Variants in POLR3B observed in about 807,000 individuals in gnomAD.
POLR3B encodes the protein RNA polymerase III subunit B.
In POLR3B, 96 loss-of-function variants were observed where a neutral mutation model predicts 147.4. That is an observed-to-expected ratio of 0.65 (90% confidence interval 0.55 to 0.77). The LOEUF (loss-of-function observed/expected upper bound fraction) is 0.77. POLR3B is among the 30% of genes least tolerant of loss of function. The pLI is 0.00. For missense variants in POLR3B, 1,036 were observed against 1,413.5 expected, an observed-to-expected ratio of 0.73 and a Z score of 4.28; for synonymous variants, 461 against 485.9, an observed-to-expected ratio of 0.95 and a Z score of 0.67.
At chr12:106,471,789 T>C (rs1255598015) in intron 23 of POLR3B, among the ~76,000 whole-genome samples, 1 of 152,162 alleles carries the variant, frequency 6.6e-6, no homozygotes, top group Admixed American at 6.5e-5. Context: ...TTCTCTACTG[T>C]TGATGGATTG....
At chr12:106,380,307 G>A (rs753823085) in intron 9 of POLR3B, among the ~76,000 whole-genome samples, 168 bp downstream of exon 9, 3 of 151,430 alleles carry the variant, frequency 2.0e-5, no homozygotes, top group African/African-American at 7.3e-5. Context: ...GGCGTGGTGG[G>A]TCATGCCTGA....
chr12:106,464,191 C>T (rs901911120), intron 23 of POLR3B, among the ~76,000 whole-genome samples: 2 of 152,166 alleles, frequency 1.3e-5, no homozygotes, highest in Non-Finnish European at 2.9e-5. Context: ...ATTGGCAAGC[C>T]TCACTCATTC....
In POLR3B at chr12:106,357,956, G is replaced by A. The variant is rs2036409865; in HGVS notation, c.72+5G>A. The stretch of plus-strand genomic sequence containing the variant: ...GCGCCGATCCCGACTGTAGAGGTCA[G>A]TGCCAGGCACGCAGGGAGCGTCAGG... On this transcript the variant is annotated splice_donor_5th_base_variant and intron_variant, in intron 1 of 27. Transcript: ENST00000228347. 1 of 1,612,474 alleles carries A rather than the reference G, an allele frequency of 6.2e-7. No individual in the cohort carries two copies. The highest frequency in any genetic ancestry group is 8.5e-7 in the Non-Finnish European group (1 of 1,179,918).
intron 25 of POLR3B, among the ~76,000 whole-genome samples, chr12:106,498,922 G>A (rs963775779): frequency 6.6e-6 from 1 of 152,198 alleles, no homozygotes; most frequent in African/African-American, 2.4e-5. Flanking sequence ...AACTCAGCAT[G>A]GAAGCAAATG....
chr12:106,487,391 T>C (rs2038354482), intron 23 of POLR3B, among the ~76,000 whole-genome samples: 1 of 152,234 alleles, frequency 6.6e-6, no homozygotes, highest in African/African-American at 2.4e-5. Context: ...TAGTATCTCC[T>C]GCAAGTTGAC....
chr12:106,449,205 A>C (rs966001429), intron 19 of POLR3B, among the ~76,000 whole-genome samples: 4 of 152,180 alleles, frequency 2.6e-5, no homozygotes, highest in Non-Finnish European at 5.9e-5. Context: ...TTTATACGAT[A>C]TTTTTAATAA....
intron 12 of POLR3B, among the ~76,000 whole-genome samples, chr12:106,424,247 T>C (rs1045824367): frequency 2.0e-5 from 3 of 152,080 alleles, no homozygotes; most frequent in African/African-American, 7.2e-5. Flanking sequence ...GGTATTCCGG[T>C]TTTGGTTTGG....
At position 106,492,157 on chromosome 12, in the gene POLR3B, T is replaced by C. The variant is rs147964750; in HGVS notation, c.2714-3898T>C. Among the ~76,000 whole-genome samples, 878 of 152,320 alleles carry C rather than the reference T, an allele frequency of 5.8e-3. 8 individuals are homozygous for C. Among genetic ancestry groups the C allele is most frequent in the African/African-American group, 0.02 (823 of 41,562 alleles). ...TTTTCTTACCATTTTTTTCTTCTTT[T>C]CTTACCTTTTTTTTTCCTGCTTAAG... On this transcript the variant is annotated intron_variant, in intron 23 of 27. Transcript: ENST00000228347.
intron 13 of POLR3B, among the ~76,000 whole-genome samples, chr12:106,428,822 A>T (rs553689952): frequency 7.5e-4 from 114 of 152,324 alleles, no homozygotes; most frequent in Middle Eastern, 3.4e-3. Flanking sequence ...GCTCTTTCCC[A>T]CGTTTCAGAA....
chr12:106,483,900 C>A (rs556455213), intron 23 of POLR3B, among the ~76,000 whole-genome samples: 1 of 152,170 alleles, frequency 6.6e-6, no homozygotes, highest in African/African-American at 2.4e-5. Context: ...CTCGGATTGA[C>A]GAAAAGTATA....
intron 22 of POLR3B, among the ~76,000 whole-genome samples, chr12:106,460,964 C>G (rs1304595129): frequency 6.6e-6 from 1 of 152,102 alleles, no homozygotes; most frequent in African/African-American, 2.4e-5. Flanking sequence ...TTGTCGTCTC[C>G]ATTTCTACTT....
chr12:106,443,865 G>A (rs1038380025), intron 18 of POLR3B, among the ~76,000 whole-genome samples: 3 of 125,050 alleles, frequency 2.4e-5, no homozygotes, highest in East Asian at 2.4e-4. Context: ...TCGCTCTCTC[G>A]CCAGGCTGGA....
intron 23 of POLR3B, among the ~76,000 whole-genome samples, chr12:106,493,084 A>G (rs769071670): frequency 2.6e-5 from 4 of 152,212 alleles, no homozygotes; most frequent in Non-Finnish European, 5.9e-5. Flanking sequence ...TTAAAATCTG[A>G]AATGCTGTGT....
chr12:106,386,358 G>C (rs918597540), intron 9 of POLR3B, among the ~76,000 whole-genome samples: 1 of 134,698 alleles, frequency 7.4e-6, no homozygotes, highest in Non-Finnish European at 1.6e-5. Context: ...AAAAAAAAAA[G>C]AAAACTTTAT....
Position 106,430,332 on chromosome 12 carries a change from T to A in POLR3B, c.1323T>A (p.Ser441=). ...MDRQGVTQVL[S]RLSYISALGM... ...GCCAGGGTGTAACCCAAGTGCTGTC[T>A]CGCTTGTCATATATATCCGCACTGG... Residue 441 remains serine (S), a synonymous_variant, in exon 14 of 28, where the codon TCT becomes TCA. Coordinates refer to ENST00000228347, the MANE Select transcript of POLR3B (RefSeq NM_018082.6). 6.2e-7 allele frequency: 1 copy of A among 1,614,100 alleles called. No homozygotes were observed. The highest frequency in any genetic ancestry group is 8.5e-7 in the Non-Finnish European group (1 of 1,179,946).
At chr12:106,481,511 G>T (rs1239989038) in intron 23 of POLR3B, among the ~76,000 whole-genome samples, 3 of 152,204 alleles carry the variant, frequency 2.0e-5, no homozygotes, top group Non-Finnish European at 2.9e-5. Flanking sequence ...GTGGGTGAGT[G>T]GGGGTGGCAC....
rs2038150141 is a variant in POLR3B, at chr12:106,475,281, T to C, written c.2713+11661T>C. Among the ~76,000 whole-genome samples, 2 of 116,890 alleles carry C rather than the reference T, an allele frequency of 1.7e-5. 1 individual carries two copies. The highest frequency in any genetic ancestry group is 1.6e-4 in the Admixed American group (2 of 12,508). 76.7% of individuals were successfully genotyped at this position (116,890 alleles called of 152,430 possible). A position where few individuals can be genotyped will look rare whatever the true frequency, so the allele number is the denominator to read the frequency against. ...TACATTGGCTGAGGAGAGCTTTACT[T>C]CCAACTATGTGGTCAGTTTTGGAAT... On this transcript the variant is annotated intron_variant, in intron 23 of 27. Coordinates refer to ENST00000228347, the MANE Select transcript of POLR3B (RefSeq NM_018082.6).
chr12:106,463,340 A>G, intron 22 of POLR3B, 138 bp from the exon 23 acceptor site: 1 of 708,956 alleles, frequency 1.4e-6, no homozygotes, highest in Non-Finnish European at 2.4e-6. Context: ...TGTTAAAAAA[A>G]TTGAAGTCAT....
intron 19 of POLR3B, among the ~76,000 whole-genome samples, chr12:106,444,983 A>G (rs1213435828): frequency 6.6e-6 from 1 of 152,158 alleles, no homozygotes; most frequent in Non-Finnish European, 1.5e-5. Flanking sequence ...AAGATGTACG[A>G]TGTCTATTTG....
Sources: gnomAD v4.1 joint callset for allele counts (sites outside exome capture counted in the v4.1 genomes callset) on GRCh38, gnomAD v4.1.1 for gene constraint, MANE v1.5 for transcripts, NCBI Gene and HGNC (gene_info 2026-07-23, HGNC 2026-07-21) for gene names.